Variants in GPHN observed in about 807,000 individuals in gnomAD.
GPHN encodes the protein gephyrin.
In GPHN, 17 loss-of-function variants were observed where a neutral mutation model predicts 95.5. The observed-to-expected ratio is 0.18, with a 90% CI of 0.12 to 0.27. GPHN has a LOEUF of 0.27. GPHN is among the 10% of genes least tolerant of loss of function. The pLI is 1.00. For missense variants in GPHN, 660 were observed against 978.1 expected, an observed-to-expected ratio of 0.67 and a Z score of 4.34; for synonymous variants, 320 against 322.5, an observed-to-expected ratio of 0.99 and a Z score of 0.08.
At chr14:67,358,879 G>A in the GPHN span, among the ~76,000 whole-genome samples, 1 of 152,326 alleles carries the variant, frequency 6.6e-6, no homozygotes, top group Admixed American at 6.5e-5. Context: ...ACAACTGAGC[G>A]TATTCCCAAG....
chr14:66,729,920 C>G lies in GPHN; in HGVS notation c.144-46544C>G, dbSNP rs2071616305. Among the ~76,000 whole-genome samples, 7 of 152,134 alleles carry G rather than the reference C, an allele frequency of 4.6e-5. No individual in the cohort carries two copies. In the South Asian group the frequency reaches 1.2e-3, roughly 27 times the overall value. ...GTTACACTAGTTCTGATCTGATCTC[C>G]CACTATGATTGTATAAAGCAGTGAA... On this transcript the variant is annotated intron_variant, in intron 2 of 22. Coordinates refer to ENST00000478722, the MANE Select transcript of GPHN (RefSeq NM_020806.5).
intron 17 of GPHN, among the ~76,000 whole-genome samples, chr14:67,139,178 G>A (rs375802729): frequency 2.7e-4 from 41 of 151,270 alleles, no homozygotes; most frequent in African/African-American, 8.0e-4. Flanking sequence ...AGCCGAGATC[G>A]CGCCACTACA....
At chr14:66,830,841 T>G (rs1158326317) in intron 4 of GPHN, among the ~76,000 whole-genome samples, 2 of 152,096 alleles carry the variant, frequency 1.3e-5, no homozygotes, top group Non-Finnish European at 2.9e-5. Flanking sequence ...TATTAGATTT[T>G]TTTCATGAAA....
At chr14:66,934,588 A>G (rs1328665473) in intron 8 of GPHN, among the ~76,000 whole-genome samples, 1 of 152,212 alleles carries the variant, frequency 6.6e-6, no homozygotes, top group Non-Finnish European at 1.5e-5. Context: ...CTTATATTTT[A>G]ATTTAACTAC....
At chr14:66,828,120 A>G (rs1371705459) in intron 4 of GPHN, among the ~76,000 whole-genome samples, 1 of 151,920 alleles carries the variant, frequency 6.6e-6, no homozygotes, top group African/African-American at 2.4e-5. Flanking sequence ...TTGATCTTTA[A>G]TAGGTTCACT....
At chr14:66,575,450 C>A (rs929581194) in intron 1 of GPHN, among the ~76,000 whole-genome samples, 1 of 152,170 alleles carries the variant, frequency 6.6e-6, no homozygotes, top group Non-Finnish European at 1.5e-5. Context: ...ATATAAATTT[C>A]TTTAGAGTCA....
intron 1 of GPHN, among the ~76,000 whole-genome samples, chr14:66,514,531 A>G (rs757204629): frequency 9.9e-5 from 15 of 152,070 alleles, no homozygotes; most frequent in Non-Finnish European, 1.0e-4. Context: ...ATCTTTTAGC[A>G]TTCTGACCAG....
chr14:66,972,535 C>T (rs1594683127), intron 9 of GPHN, among the ~76,000 whole-genome samples: 2 of 152,012 alleles, frequency 1.3e-5, no homozygotes, highest in East Asian at 3.9e-4. Context: ...CAACCACCAT[C>T]CTTTGGTATG....
At chr14:67,195,890 C>T in the GPHN span, among the ~76,000 whole-genome samples, 10 of 152,110 alleles carry the variant, frequency 6.6e-5, no homozygotes, top group Non-Finnish European at 2.9e-5. Flanking sequence ...TATTGAGAGA[C>T]CTCCTAGAGA....
the GPHN span, chr14:67,592,582 T>G: frequency 3.8e-6 from 4 of 1,060,166 alleles, no homozygotes; most frequent in Admixed American, 3.6e-5. Flanking sequence ...TTTACATTCC[T>G]AATGAAAAGG....
the GPHN span, among the ~76,000 whole-genome samples, chr14:67,230,770 CA>C: frequency 9.9e-5 from 15 of 152,122 alleles, no homozygotes; most frequent in African/African-American, 3.6e-4. Context: ...TACTTAGCAA[CA>C]AAAAGAAACT....
chr14:66,583,744 T>TA lies in GPHN; in HGVS notation c.64+75154dup, dbSNP rs200942936. On this transcript the variant is annotated intron_variant, in intron 1 of 22. Transcript: ENST00000478722. ...GGCTGTGTTCTGTTCCAGTGGTCTA[T>TA]ATCTCTGTTTTGGTACCAGTACCAT... Among the ~76,000 whole-genome samples, 107 of 152,278 alleles carry TA rather than the reference T, an allele frequency of 7.0e-4. 2 individuals carry two copies. The East Asian group carries it at 0.02, about 29-fold the overall frequency.
the GPHN span, chr14:67,338,662 G>A: frequency 1.2e-5 from 19 of 1,614,098 alleles, no homozygotes; most frequent in Non-Finnish European, 1.6e-5. Flanking sequence ...TCAGCCAGAA[G>A]ATTAGCAGGC....
intron 1 of GPHN, among the ~76,000 whole-genome samples, chr14:66,580,515 C>T (rs1313995515): frequency 6.6e-6 from 1 of 151,586 alleles, no homozygotes; most frequent in Non-Finnish European, 1.5e-5. Context: ...GACATTACAT[C>T]TTATATCACT....
intron 2 of GPHN, among the ~76,000 whole-genome samples, chr14:66,699,989 T>C (rs1037661715): frequency 3.3e-5 from 5 of 152,310 alleles, no homozygotes; most frequent in African/African-American, 1.2e-4. Flanking sequence ...TAAACTAATC[T>C]TAATTTTAGA....
the GPHN span, among the ~76,000 whole-genome samples, chr14:67,274,564 C>T: frequency 1.3e-5 from 2 of 152,216 alleles, no homozygotes; most frequent in Non-Finnish European, 2.9e-5. Context: ...GTGATGCCTT[C>T]AGCTTTATTC....
At chr14:66,663,763 A>G (rs1050464200) in intron 1 of GPHN, among the ~76,000 whole-genome samples, 2 of 152,220 alleles carry the variant, frequency 1.3e-5, no homozygotes, top group African/African-American at 4.8e-5. Flanking sequence ...TGACACACAT[A>G]GGCTCAAAAA....
intron 5 of GPHN, among the ~76,000 whole-genome samples, chr14:66,883,867 C>T (rs1799825487): frequency 6.6e-6 from 1 of 152,050 alleles, no homozygotes; most frequent in Admixed American, 6.6e-5. Context: ...CACGTATTCA[C>T]AGCTCAGGGA....
At chr14:66,772,035 A>G (rs1394945575) in intron 2 of GPHN, among the ~76,000 whole-genome samples, 1 of 151,728 alleles carries the variant, frequency 6.6e-6, no homozygotes, top group Non-Finnish European at 1.5e-5. Flanking sequence ...ACTATTTGAT[A>G]TTTTGTAAAC....
Sources: gnomAD v4.1 joint callset for allele counts (sites outside exome capture counted in the v4.1 genomes callset) on GRCh38, gnomAD v4.1.1 for gene constraint, MANE v1.5 for transcripts, NCBI Gene and HGNC (gene_info 2026-07-23, HGNC 2026-07-21) for gene names.